Variants in PHF3 observed in about 807,000 individuals in gnomAD.
The protein encoded by PHF3 is PHD finger protein 3.
A neutral mutation model predicts 178.4 loss-of-function variants in PHF3; 41 were observed. The observed-to-expected ratio is 0.23, with a 90% CI of 0.18 to 0.30. The LOEUF is 0.30. PHF3 is among the 10% of genes least tolerant of loss of function. PHF3 has a pLI of 1.00. For synonymous variants in PHF3, 842 were observed against 800.5 expected (o/e 1.05, Z -0.88); for missense variants, 2,346 against 2,398.1 (o/e 0.98, Z 0.45).
At chr6:63,700,536 A>G (rs1003940013) in intron 9 of PHF3, 70 bp downstream of exon 9, 8 of 823,854 alleles carry the variant, frequency 9.7e-6, no homozygotes, top group African/African-American at 5.1e-5. Flanking sequence ...TAAAAATTAT[A>G]CAGAGGTAAA....
chr6:63,705,580 A>G (rs750484775), intron 11 of PHF3, among the ~76,000 whole-genome samples: 6 of 152,280 alleles, frequency 3.9e-5, no homozygotes, highest in East Asian at 1.9e-4. Flanking sequence ...TCCTGAAACC[A>G]TCTCTCCCCT....
rs1254741329 is a variant in PHF3, at chr6:63,721,285, A to G, written c.*7577A>G. The G allele has an allele frequency of 2.6e-6, 4 of 1,551,892 alleles. No homozygotes were observed. The highest frequency in any genetic ancestry group is 3.5e-6 in the Non-Finnish European group (4 of 1,147,020). On this transcript the variant is annotated 3_prime_UTR_variant, in exon 16 of 16. Coordinates refer to ENST00000262043, the MANE Select transcript of PHF3 (RefSeq NM_001370348.2). ...TGGTGGAGGCAAAGATTATTCAAACAGGACACAGACTGGTTACATGTATTT... is the reference window on the plus strand; with the variant it reads ...TGGTGGAGGCAAAGATTATTCAAACGGGACACAGACTGGTTACATGTATTT...
chr6:63,645,988 A>G (rs1452243382), intron 1 of PHF3, among the ~76,000 whole-genome samples: 1 of 148,890 alleles, frequency 6.7e-6, no homozygotes, highest in Non-Finnish European at 1.5e-5. Flanking sequence ...TTCCCCCACA[A>G]TAAAAGCCCT....
At chr6:63,700,935 G>C (rs1372774163) in intron 9 of PHF3, among the ~76,000 whole-genome samples, 1 of 152,068 alleles carries the variant, frequency 6.6e-6, no homozygotes, top group Non-Finnish European at 1.5e-5. Flanking sequence ...TGGTTTCTCT[G>C]ATCTTGTCAG....
chr6:63,661,692 C>T (rs1013602962), intron 2 of PHF3, among the ~76,000 whole-genome samples: 15 of 152,120 alleles, frequency 9.9e-5, no homozygotes, highest in African/African-American at 3.6e-4. Flanking sequence ...TATCAGTTCT[C>T]ACTAGATTTT....
chr6:63,703,664 C>T lies in PHF3; in HGVS notation c.3360C>T (p.Ile1120=). The change falls in exon 11 of 16, where the codon ATC becomes ATT. Residue 1120 remains isoleucine (I), a synonymous_variant. Transcript: ENST00000262043. ...RQHLFDLNCK[I]CIGRMAPPVD... ...ATCTTTTTGATCTCAACTGCAAAAT[C>T]TGCATAGGTAATTGGAAGTTTTTCT... The T allele has an allele frequency of 6.3e-7, 1 of 1,595,416 alleles. No individual in the cohort carries two copies. The highest frequency in any genetic ancestry group is 1.2e-5 in the South Asian group (1 of 86,512).
intron 2 of PHF3, among the ~76,000 whole-genome samples, chr6:63,668,299 T>TA (rs1765763954): frequency 1.3e-5 from 2 of 152,164 alleles, no homozygotes; most frequent in Non-Finnish European, 2.9e-5. Flanking sequence ...TGATCACTGC[T>TA]AATGCCAGAG....
chr6:63,636,093 G>C lies in PHF3; in HGVS notation c.-83G>C, dbSNP rs1234629958. On this transcript the variant is annotated 5_prime_UTR_variant, in exon 1 of 16. Coordinates refer to ENST00000262043, the MANE Select transcript of PHF3 (RefSeq NM_001370348.2). ...CCCCCTCCTCCTCCTCTTCGGCGGC[G>C]GCAGCGTCCACCATCTTCCTCTTGC... The C allele has an allele frequency of 2.5e-6, 1 of 392,334 alleles. No homozygotes were observed. Among genetic ancestry groups the C allele is most frequent in the African/African-American group, 2.1e-5 (1 of 48,322 alleles). 24.3% of individuals were successfully genotyped at this position (392,334 alleles called of 1,614,324 possible).
intron 1 of PHF3, among the ~76,000 whole-genome samples, chr6:63,644,095 A>T (rs927153802): frequency 1.3e-5 from 2 of 152,178 alleles, no homozygotes; most frequent in Non-Finnish European, 2.9e-5. Context: ...TGCTGGCCTC[A>T]TGTTGCTATG....
rs1353718874 is a variant in PHF3 at position 63,670,178 on chromosome 6, C to CGA, written c.245-9822_245-9821insGA. On this transcript the variant is annotated intron_variant, in intron 2 of 15. Transcript: ENST00000262043. ...ATTCCATGTTTGGATGCTTCCTTCT[C>CGA]ATCTGTGCTTTCTAAACTGTCATCC... 2.5e-3 allele frequency among the ~76,000 whole-genome samples: 377 copies of CGA among 152,306 alleles called. 1 individual carries two copies. The highest frequency in any genetic ancestry group is 7.7e-3 in the East Asian group (40 of 5,184).
chr6:63,648,197 TCTG>T (rs760402474), intron 2 of PHF3, among the ~76,000 whole-genome samples: 10 of 152,226 alleles, frequency 6.6e-5, no homozygotes, highest in Non-Finnish European at 1.3e-4. Context: ...TTTACATTGT[TCTG>T]TTGTTGTATT....
At chr6:63,706,482 A>AT (rs1040332732) in intron 12 of PHF3, among the ~76,000 whole-genome samples, 4 of 152,186 alleles carry the variant, frequency 2.6e-5, no homozygotes, top group Non-Finnish European at 5.9e-5. Context: ...TCAGGGATAG[A>AT]TTATTAAAGA....
intron 8 of PHF3, among the ~76,000 whole-genome samples, chr6:63,699,689 C>CG (rs1162505417): frequency 2.0e-5 from 3 of 152,100 alleles, no homozygotes; most frequent in African/African-American, 7.2e-5. Flanking sequence ...CTCCCGGGTT[C>CG]AGATGATTGT....
intron 1 of PHF3, among the ~76,000 whole-genome samples, chr6:63,644,242 A>G (rs1046825428): frequency 3.9e-5 from 6 of 152,166 alleles, no homozygotes; most frequent in African/African-American, 7.2e-5. Flanking sequence ...TTGGGATGCA[A>G]CTCTCTGAAG....
At chr6:63,657,525 AATC>A (rs1432360296) in intron 2 of PHF3, among the ~76,000 whole-genome samples, 2 of 152,214 alleles carry the variant, frequency 1.3e-5, no homozygotes, top group Non-Finnish European at 2.9e-5. Flanking sequence ...TCATGAAGAA[AATC>A]ATCAAAAAGA....
At position 63,685,752 on chromosome 6, in the gene PHF3, G is replaced by C; in HGVS notation, c.2030G>C (p.Ser677Thr). Reference protein sequence around the residue: ...EKNLQPRQRRSSKSFSLDEPP... With the variant: ...EKNLQPRQRRTSKSFSLDEPP... The stretch of plus-strand genomic sequence containing the variant: ...AACCTACAACCCCGCCAAAGAAGAA[G>C]CAGCAAAAGTTTTTCTTTAGATGAG... Residue 677 changes from serine (S) to threonine (T), a missense_variant, in exon 4 of 16, where the codon AGC becomes ACC. Physicochemically the swap from Ser to Thr is moderately conservative, Grantham distance 58 (BLOSUM62 1). Around this residue, in one of 8 missense-constraint regions of PHF3, gnomAD observed 843 missense variants for 795.2 expected, o/e 1.06. Coordinates refer to ENST00000262043, the MANE Select transcript of PHF3 (RefSeq NM_001370348.2). The C allele has an allele frequency of 6.2e-7, 1 of 1,614,082 alleles. No individual in the cohort carries two copies. Among genetic ancestry groups the C allele is most frequent in the Non-Finnish European group, 8.5e-7 (1 of 1,180,026 alleles).
chr6:63,724,818 C>T lies in PHF3; in HGVS notation c.*11110C>T, dbSNP rs1242775736. On this transcript the variant is annotated 3_prime_UTR_variant, in exon 16 of 16. Transcript: ENST00000262043. ...CAATATGTGAAAACCACATTGGCTG[C>T]TTTTATTAAAATTTTTGGATTTTAA... is the stretch of plus-strand genomic sequence containing the variant. Among the ~76,000 whole-genome samples, 5 of 151,878 alleles carry T rather than the reference C, an allele frequency of 3.3e-5. No homozygotes were observed. The highest frequency in any genetic ancestry group is 5.9e-5 in the Non-Finnish European group (4 of 67,930).
chr6:63,712,411 A>T lies in PHF3; in HGVS notation c.4823A>T (p.Asn1608Ile). The T allele has an allele frequency of 6.2e-7, 1 of 1,613,898 alleles. No homozygotes were observed. The highest frequency in any genetic ancestry group is 1.3e-5 in the African/African-American group (1 of 75,028). ...GATCAAGAGAATAATTTGCAAGATA[A>T]CCAGACTTCAAATAGTTCTCCATGC... ...QEDQENNLQD[N>I]QTSNSSPCRS... Residue 1608 changes from asparagine to isoleucine, a missense_variant, in exon 16 of 16, where the codon AAC (asparagine) becomes ATC (isoleucine). By Grantham distance (149) the Asn-to-Ile change is moderately radical. Transcript: ENST00000262043.
rs1031671358 is a variant in PHF3, at chr6:63,713,608, A to G, written c.6020A>G (p.Asp2007Gly). The G allele has an allele frequency of 3.1e-6, 5 of 1,613,580 alleles. No individual in the cohort carries two copies. Among genetic ancestry groups the G allele is most frequent in the Non-Finnish European group, 4.2e-6 (5 of 1,179,808 alleles). The change falls in exon 16 of 16, where the codon GAC becomes GGC. Residue 2007 changes from aspartate (D) to glycine (G), a missense_variant. By Grantham distance (94) the Asp-to-Gly change is moderately conservative. Coordinates refer to ENST00000262043, the MANE Select transcript of PHF3 (RefSeq NM_001370348.2). ...CCTAAAAGTGAAGACTATGAGAAGG[A>G]CAAAGAACGAGAGAAAAGTAAACAC... ...DKPKSEDYEK[D>G]KEREKSKHRE...
Sources: gnomAD v4.1 joint callset for allele counts (sites outside exome capture counted in the v4.1 genomes callset) on GRCh38, gnomAD v4.1.1 for gene constraint, gnomAD v4.1.1 regional missense constraint, MANE v1.5 for transcripts, NCBI Gene and HGNC (gene_info 2026-07-23, HGNC 2026-07-21) for gene names.